The following RPL34 variants were observed in gnomAD, a reference collection of about 807,000 sequenced individuals.
The protein encoded by RPL34 is large ribosomal subunit protein eL34.
In RPL34, 2 loss-of-function variants were observed where a neutral mutation model predicts 16.3. The observed-to-expected ratio is 0.12, with a 90% CI of 0.05 to 0.39. The LOEUF is 0.39. RPL34 is among the 10% of genes least tolerant of loss of function. The pLI, the probability that RPL34 is intolerant of heterozygous loss-of-function variation, is 0.99. For synonymous variants in RPL34, 47 were observed against 48.5 expected (o/e 0.97, Z 0.13); for missense variants, 82 against 148.8 (o/e 0.55, Z 2.33).
chr4:108,625,103 A>T, intron 4 of RPL34, 25 bp from the exon 5 acceptor site: 1 of 1,506,200 alleles, frequency 6.6e-7, no homozygotes, highest in Admixed American at 1.7e-5. Context: ...TAAAGAAATG[A>T]TTAATTTGGT....
chr4:108,623,063 T>A (rs1453948708), intron 4 of RPL34: 1 of 152,918 alleles, frequency 6.5e-6, no homozygotes, highest in Non-Finnish European at 1.5e-5. Flanking sequence ...CCAGGTGTGG[T>A]GGCTTATGCC....
chr4:108,625,104 T>C, intron 4 of RPL34, 24 bp from the exon 5 acceptor site: 1 of 1,508,718 alleles, frequency 6.6e-7, no homozygotes, highest in Non-Finnish European at 9.2e-7. Flanking sequence ...AAAGAAATGA[T>C]TAATTTGGTA....
rs933198226 is a variant in RPL34 at position 108,622,144 on chromosome 4, C to T, written c.105C>T (p.Thr35=). The change falls in exon 3 of 5, where the codon ACC becomes ACT. Residue 35 remains threonine, a synonymous_variant. Coordinates refer to ENST00000394667, the MANE Select transcript of RPL34 (RefSeq NM_001319236.2). ...GTAATAGAATTGTTTACCTTTATAC[C>T]AAGAAGGTTGGGAAAGCACCAAAAT... ...TPGNRIVYLY[T]KKVGKAPKSA... is the part of the protein sequence containing the mutation. 1 of 1,613,626 alleles carries T rather than the reference C, an allele frequency of 6.2e-7. No individual in the cohort carries two copies. The highest frequency in any genetic ancestry group is 8.5e-7 in the Non-Finnish European group (1 of 1,179,884).
chr4:108,626,970 T>G (rs777861920), downstream of RPL34, among the ~76,000 whole-genome samples: 35 of 152,138 alleles, frequency 2.3e-4, no homozygotes, highest in Non-Finnish European at 3.5e-4. Context: ...CTGGACGCCG[T>G]GGTTCATGCC....
downstream of RPL34, among the ~76,000 whole-genome samples, chr4:108,629,311 A>G (rs1022948050): frequency 1.6e-4 from 24 of 152,224 alleles, no homozygotes; most frequent in African/African-American, 5.3e-4. Context: ...TGAAATTTAC[A>G]TGCTATAATT....
At chr4:108,626,600 G>A (rs528002289), downstream of RPL34, among the ~76,000 whole-genome samples, 578 of 151,990 alleles carry the variant, frequency 3.8e-3, 4 homozygotes, top group African/African-American at 0.012. Context: ...CACCACACCC[G>A]GCTAATTTTT....
chr4:108,622,904 G>A (rs1725844622), intron 4 of RPL34: 1 of 293,246 alleles, frequency 3.4e-6, no homozygotes, highest in East Asian at 6.5e-5. Context: ...GATGGAGTGT[G>A]GAAGGTGTTA....
At position 108,622,213 on chromosome 4, in the gene RPL34, AC is replaced by A; in HGVS notation, c.165+11del. On this transcript the variant is annotated intron_variant, in intron 3 of 4. Coordinates refer to ENST00000394667, the MANE Select transcript of RPL34 (RefSeq NM_001319236.2). The stretch of plus-strand genomic sequence containing the variant: ...CAGGCAGACTTCGAGGGGTAAGTGT[AC>A]CTTTTACTGTGTGCAGCCTAACAAG... 1 of 1,579,670 alleles carries A rather than the reference AC, an allele frequency of 6.3e-7. No homozygotes were observed. The highest frequency in any genetic ancestry group is 8.7e-7 in the Non-Finnish European group (1 of 1,153,948).
At chr4:108,621,586 A>G (rs780432770) in intron 1 of RPL34, 1 of 249,684 alleles carries the variant, frequency 4.0e-6, no homozygotes, top group Non-Finnish European at 8.0e-6. Flanking sequence ...TGGCATAGCT[A>G]AGGATTCGAC....
rs1440608943 is a variant in RPL34, at chr4:108,622,216, T to G, written c.165+12T>G. ...GCAGACTTCGAGGGGTAAGTGTACC[T>G]TTTACTGTGTGCAGCCTAACAAGTC... On this transcript the variant is annotated intron_variant, in intron 3 of 4. Coordinates refer to ENST00000394667, the MANE Select transcript of RPL34 (RefSeq NM_001319236.2). The G allele has an allele frequency of 1.9e-6, 3 of 1,559,232 alleles. No homozygotes were observed. The highest frequency in any genetic ancestry group is 2.6e-6 in the Non-Finnish European group (3 of 1,135,974).
chr4:108,623,410 T>G (rs1725865178), intron 4 of RPL34: 2 of 152,190 alleles, frequency 1.3e-5, no homozygotes, highest in Admixed American at 1.3e-4. Flanking sequence ...TTAATTCTTT[T>G]ATTGATTGAT....
chr4:108,628,393 C>T (rs942662449), downstream of RPL34, among the ~76,000 whole-genome samples: 5 of 152,166 alleles, frequency 3.3e-5, no homozygotes, highest in Non-Finnish European at 7.3e-5. Context: ...AAAATTGGCA[C>T]TTTTAATAAT....
Position 108,622,606 on chromosome 4 carries a change from G to T in RPL34, c.257G>T (p.Cys86Phe), listed in dbSNP as rs750715658. Residue 86 changes from cysteine to phenylalanine, a missense_variant, in exon 4 of 5, where the codon TGT becomes TTT. Physicochemically the swap from Cys to Phe is radical, Grantham distance 205 (BLOSUM62 -2). Coordinates refer to ENST00000394667, the MANE Select transcript of RPL34 (RefSeq NM_001319236.2). ...TATGGTGGTTCCATGTGTGCTAAAT[G>T]TGTTCGTGACAGGTAAGTTAAATGC... ...RAYGGSMCAK[C>F]VRDRIKRAFL... is the part of the protein sequence containing the mutation. 2 of 1,593,576 alleles carry T rather than the reference G, an allele frequency of 1.3e-6. No homozygotes were observed. Among genetic ancestry groups the T allele is most frequent in the Admixed American group, 3.7e-5 (2 of 54,258 alleles).
At chr4:108,628,667 C>G (rs1229867679), downstream of RPL34, among the ~76,000 whole-genome samples, 1 of 152,086 alleles carries the variant, frequency 6.6e-6, no homozygotes, top group Non-Finnish European at 1.5e-5. Context: ...AATGGGTGAC[C>G]TTTGAGAAAT....
At position 108,624,699 on chromosome 4, in the gene RPL34, G is replaced by A. The variant is rs114544911; in HGVS notation, c.270-429G>A. ...CTAAAATCCTTGCTCTTGGTGAGGT[G>A]TCTCTTGCTAATATCCCTTTACCTT... is the stretch of plus-strand genomic sequence containing the variant. On this transcript the variant is annotated intron_variant, in intron 4 of 4. Transcript: ENST00000394667. Among the ~76,000 whole-genome samples the A allele has an allele frequency of 4.0e-3, 606 of 152,304 alleles. 2 individuals carry two copies. The highest frequency in any genetic ancestry group is 7.2e-3 in the Non-Finnish European group (488 of 68,040).
chr4:108,622,061 T>A, intron 2 of RPL34, 37 bp downstream of exon 2: 1 of 1,595,030 alleles, frequency 6.3e-7, no homozygotes. Flanking sequence ...TATATTGTCA[T>A]TTACTCTACA....
At chr4:108,629,170 A>G (rs943108851), downstream of RPL34, among the ~76,000 whole-genome samples, 6 of 152,194 alleles carry the variant, frequency 3.9e-5, no homozygotes, top group African/African-American at 1.2e-4. Context: ...CTTGTTTTCC[A>G]TGAATAAAAT....
intron 1 of RPL34, chr4:108,621,595 A>G (rs1263822266): frequency 7.9e-6 from 2 of 252,752 alleles, no homozygotes; most frequent in Non-Finnish European, 1.6e-5. Flanking sequence ...TAAGGATTCG[A>G]CTTCAGAGCT....
chr4:108,621,822 A>C, intron 1 of RPL34, 129 bp from the exon 2 acceptor site: 1 of 664,426 alleles, frequency 1.5e-6, no homozygotes, highest in Non-Finnish European at 2.7e-6. Flanking sequence ...ATGTGGAATA[A>C]TACATCTTAA....
Sources: gnomAD v4.1 joint callset for allele counts (sites outside exome capture counted in the v4.1 genomes callset) on GRCh38, gnomAD v4.1.1 for gene constraint, MANE v1.5 for transcripts, NCBI Gene and HGNC (gene_info 2026-07-23, HGNC 2026-07-21) for gene names.